ZFHX3: variants seen among roughly 807,000 people sequenced by gnomAD.
ZFHX3 encodes the protein zinc finger homeobox protein 3.
A neutral mutation model predicts 279.1 loss-of-function variants in ZFHX3; 42 were observed. The observed-to-expected ratio is 0.15, with a 90% CI of 0.12 to 0.19. ZFHX3 has a LOEUF of 0.19. Ranked by LOEUF, ZFHX3 falls within the 10% of genes least tolerant of loss-of-function variation. ZFHX3 has a pLI of 1.00. For synonymous variants in ZFHX3, 2,293 were observed against 1,957.8 expected, an observed-to-expected ratio of 1.17 and a Z score of -4.52; for missense variants, 4,981 against 4,754.0, an observed-to-expected ratio of 1.05 and a Z score of -1.40.
At chr16:72,972,763 C>T (rs900087963) in intron 1 of ZFHX3, among the ~76,000 whole-genome samples, 2 of 152,124 alleles carry the variant, frequency 1.3e-5, no homozygotes, top group African/African-American at 2.4e-5. Flanking sequence ...TCCCCCTCTA[C>T]TCCTTGAAAT....
In ZFHX3 at chr16:72,958,721, C is replaced by CTCCTCCTCCGCCTCT. The variant is rs750444123; in HGVS notation, c.1410_1424dup (p.Ala472_Glu476dup). The CTCCTCCTCCGCCTCT allele has an allele frequency of 1.2e-6, 2 of 1,612,652 alleles. No individual in the cohort carries two copies. The highest frequency in any genetic ancestry group is 2.2e-5 in the South Asian group (2 of 90,754). On this transcript the variant is annotated inframe_insertion, in exon 2 of 10. Coordinates refer to ENST00000268489, the MANE Select transcript of ZFHX3 (RefSeq NM_006885.4). ...CTTCTTCCTCCTCCTCTTCTTCCTC[C>CTCCTCCTCCGCCTCT]TCCTCCTCCGCCTCTTCCTCCTCCT...
At chr16:73,725,119 G>A (rs935427602) in intron 1 of ZFHX3, among the ~76,000 whole-genome samples, 5 of 152,208 alleles carry the variant, frequency 3.3e-5, no homozygotes, top group Admixed American at 2.0e-4. Context: ...TTTAACCGGC[G>A]TATATTAAAT....
rs1472187136 is a variant in ZFHX3, at chr16:72,786,677, T to C, written c.*487A>G. ...CGATTGACCTGAGAATAAAAAGACA[T>C]TACATTTCTTTTTTTCTTTTAGCAA... On this transcript the variant is annotated 3_prime_UTR_variant, in exon 10 of 10. Coordinates refer to ENST00000268489, the MANE Select transcript of ZFHX3 (RefSeq NM_006885.4). The C allele has an allele frequency of 1.3e-5, 2 of 152,146 alleles. No individual in the cohort carries two copies. Among genetic ancestry groups the C allele is most frequent in the Non-Finnish European group, 2.9e-5 (2 of 67,954 alleles). The allele number at this position is 152,146 out of a possible 1,614,324, so 9.4% of individuals were successfully genotyped here. A position where few individuals can be genotyped will look rare whatever the true frequency, so the allele number is the denominator to read the frequency against.
At chr16:73,094,704 C>T (rs1465922721) in intron 7 of ZFHX3, among the ~76,000 whole-genome samples, 3 of 151,880 alleles carry the variant, frequency 2.0e-5, no homozygotes, top group African/African-American at 4.8e-5. Context: ...TGTTTTTTGT[C>T]GTTGTTGTTG....
intron 3 of ZFHX3, among the ~76,000 whole-genome samples, chr16:73,424,252 T>C (rs1247495492): frequency 6.6e-6 from 1 of 152,210 alleles, no homozygotes; most frequent in African/African-American, 2.4e-5. Flanking sequence ...CTGACTCATT[T>C]GTAAAACAGA....
intron 2 of ZFHX3, among the ~76,000 whole-genome samples, chr16:73,631,068 G>T (rs577867741): frequency 5.3e-5 from 8 of 152,170 alleles, no homozygotes; most frequent in Non-Finnish European, 1.2e-4. Flanking sequence ...AGAAACCACA[G>T]GCCTGATTCC....
chr16:73,347,496 A>G (rs549986817), intron 3 of ZFHX3, among the ~76,000 whole-genome samples: 1 of 152,310 alleles, frequency 6.6e-6, no homozygotes, highest in African/African-American at 2.4e-5. Flanking sequence ...GTGTCTCTGC[A>G]CCGTCCTCAC....
chr16:73,291,719 A>G (rs2143100862), intron 4 of ZFHX3, among the ~76,000 whole-genome samples: 1 of 152,316 alleles, frequency 6.6e-6, no homozygotes, highest in South Asian at 2.1e-4. Context: ...TGCATTACCT[A>G]GAACCTGTCA....
intron 1 of ZFHX3, among the ~76,000 whole-genome samples, chr16:73,744,405 C>A (rs2053685886): frequency 6.6e-6 from 1 of 152,176 alleles, no homozygotes; most frequent in Admixed American, 6.5e-5. Flanking sequence ...GCTGGCCAAA[C>A]TGACAGGCTA....
At chr16:73,702,086 G>C (rs1461635450) in intron 1 of ZFHX3, among the ~76,000 whole-genome samples, 1 of 152,126 alleles carries the variant, frequency 6.6e-6, no homozygotes. Context: ...AGGAGGTGGA[G>C]AGTGCAGTGT....
At chr16:73,407,550 C>T (rs2017385713) in intron 3 of ZFHX3, among the ~76,000 whole-genome samples, 1 of 152,134 alleles carries the variant, frequency 6.6e-6, no homozygotes, top group Non-Finnish European at 1.5e-5. Flanking sequence ...TTGCAAGAGA[C>T]CACAGCATGA....
chr16:73,479,001 G>T (rs1049816945), intron 2 of ZFHX3, among the ~76,000 whole-genome samples: 1 of 152,094 alleles, frequency 6.6e-6, no homozygotes, highest in Admixed American at 6.5e-5. Flanking sequence ...GCAGTGAGCC[G>T]AGATCATGCC....
chr16:73,792,791 C>T (rs889831156), intron 1 of ZFHX3, among the ~76,000 whole-genome samples: 10 of 151,944 alleles, frequency 6.6e-5, no homozygotes, highest in African/African-American at 2.4e-4. Flanking sequence ...TGAAGGCAGC[C>T]TTCTGTAGTA....
At chr16:73,647,310 T>C (rs2052628429) in intron 2 of ZFHX3, among the ~76,000 whole-genome samples, 1 of 152,168 alleles carries the variant, frequency 6.6e-6, no homozygotes. Flanking sequence ...TTCTAAGTGA[T>C]ATAGTTTGCA....
intron 2 of ZFHX3, among the ~76,000 whole-genome samples, chr16:73,639,253 A>T (rs2052553443): frequency 1.3e-5 from 2 of 152,198 alleles, no homozygotes; most frequent in Non-Finnish European, 2.9e-5. Context: ...CTGAATCTGC[A>T]AGTACCAGTT....
Position 73,107,546 on chromosome 16 carries a change from C to G in ZFHX3, c.-896-13948G>C, listed in dbSNP as rs200832645. Among the ~76,000 whole-genome samples, 4 of 152,300 alleles carry G rather than the reference C, an allele frequency of 2.6e-5. No individual in the cohort carries two copies. In the East Asian group the frequency reaches 7.7e-4, roughly 29 times the overall value. On this transcript the variant is annotated intron_variant, in intron 7 of 17. Coordinates refer to the ZFHX3 transcript ENST00000641206. ...TGGGGCATCTGCTTTCCCTGACTCA[C>G]CCAACAAGGTTGAGAATTCCCTCCT...
chr16:73,658,976 C>G (rs1270431694), intron 2 of ZFHX3, among the ~76,000 whole-genome samples: 1 of 151,838 alleles, frequency 6.6e-6, no homozygotes. Flanking sequence ...CACCCAGATT[C>G]TAAGATAGGT....
At chr16:73,553,237 A>T (rs1327239235) in intron 2 of ZFHX3, among the ~76,000 whole-genome samples, 3 of 149,220 alleles carry the variant, frequency 2.0e-5, no homozygotes, top group Non-Finnish European at 4.5e-5. Flanking sequence ...GAGATCCCTT[A>T]TATTTTTTGT....
chr16:73,372,914 C>T (rs564995481), intron 3 of ZFHX3, among the ~76,000 whole-genome samples: 12 of 152,310 alleles, frequency 7.9e-5, no homozygotes, highest in African/African-American at 2.6e-4. Context: ...CAGACACCTT[C>T]ACACACACCT....
Sources: gnomAD v4.1 joint callset for allele counts (sites outside exome capture counted in the v4.1 genomes callset) on GRCh38, gnomAD v4.1.1 for gene constraint, MANE v1.5 for transcripts, NCBI Gene and HGNC (gene_info 2026-07-23, HGNC 2026-07-21) for gene names.